WIPF1: variants seen among roughly 807,000 people sequenced by gnomAD.
The protein encoded by WIPF1 is WAS/WASL-interacting protein family member 1.
WIPF1 carries 13 observed loss-of-function variants against 35.4 expected under a neutral mutation model. The observed-to-expected ratio is 0.37, with a 90% CI of 0.24 to 0.58. The LOEUF is 0.58. Ranked by LOEUF, WIPF1 falls within the 20% of genes least tolerant of loss-of-function variation. The probability of loss-of-function intolerance (pLI) is 0.74; values close to 1 mark genes in which losing one functional copy is unlikely to be tolerated. For missense variants in WIPF1, 591 were observed against 667.0 expected (o/e 0.89, Z 1.25); for synonymous variants, 267 against 266.3 (o/e 1.00, Z -0.02).
rs1438301853 is a variant in WIPF1 at position 174,581,571 on chromosome 2, A to G, written c.52-132T>C. The G allele has an allele frequency of 7.9e-6, 9 of 1,140,706 alleles. No individual in the cohort carries two copies. The East Asian group carries it at 2.1e-4, about 26-fold the overall frequency. The allele number at this position is 1,140,706 out of a possible 1,614,324, so 70.7% of individuals were successfully genotyped here. On this transcript the variant is annotated intron_variant, in intron 2 of 7. Transcript: ENST00000679041. ...TGGTGATAGGTTGTAAATTCTCGAC[A>G]AGTTTTAGACCCCATATCTTTCTTT...
At chr2:174,661,530 A>G (rs1035987545) in intron 1 of WIPF1, among the ~76,000 whole-genome samples, 1 of 151,756 alleles carries the variant, frequency 6.6e-6, no homozygotes, top group Non-Finnish European at 1.5e-5. Flanking sequence ...TTCACATCTC[A>G]GCTCTAGAAG....
intron 1 of WIPF1, among the ~76,000 whole-genome samples, chr2:174,659,471 C>T (rs1279652534): frequency 5.9e-5 from 9 of 152,250 alleles, no homozygotes; most frequent in Middle Eastern, 3.4e-3. Context: ...TAGGGTTTAG[C>T]GAGTAATGGT....
At chr2:174,567,777 A>G in intron 6 of WIPF1, 84 bp downstream of exon 6, 1 of 1,423,896 alleles carries the variant, frequency 7.0e-7, no homozygotes, top group Non-Finnish European at 9.5e-7. Flanking sequence ...AAGAAATTAA[A>G]CGCAAACAAG....
intron 1 of WIPF1, among the ~76,000 whole-genome samples, chr2:174,611,841 TA>T (rs1686356835): frequency 6.6e-6 from 1 of 152,218 alleles, no homozygotes; most frequent in East Asian, 1.9e-4. Flanking sequence ...ACACACTGTC[TA>T]GGGTTAACTT....
intron 2 of WIPF1, among the ~76,000 whole-genome samples, chr2:174,583,332 G>T (rs187024350): frequency 3.5e-4 from 54 of 152,244 alleles, no homozygotes; most frequent in African/African-American, 1.2e-3. Flanking sequence ...AAACTCTGAG[G>T]CCTAGAGAGG....
At chr2:174,613,831 A>G (rs1027894381) in intron 1 of WIPF1, among the ~76,000 whole-genome samples, 1 of 152,208 alleles carries the variant, frequency 6.6e-6, no homozygotes, top group Non-Finnish European at 1.5e-5. Flanking sequence ...AGACTTTTAT[A>G]ATGCTGAGTT....
chr2:174,606,923 A>C (rs1400708265), intron 1 of WIPF1, among the ~76,000 whole-genome samples: 2 of 152,168 alleles, frequency 1.3e-5, no homozygotes, highest in African/African-American at 2.4e-5. Context: ...CTGGATGCTG[A>C]GAAGTCCAAG....
intron 1 of WIPF1, among the ~76,000 whole-genome samples, chr2:174,631,165 A>G (rs1029495487): frequency 6.6e-6 from 1 of 152,190 alleles, no homozygotes; most frequent in African/African-American, 2.4e-5. Flanking sequence ...ATATGTGCAA[A>G]CCCACGTTCA....
intron 1 of WIPF1, among the ~76,000 whole-genome samples, chr2:174,680,681 G>T (rs1246901495): frequency 6.6e-6 from 1 of 152,074 alleles, no homozygotes; most frequent in Non-Finnish European, 1.5e-5. Flanking sequence ...CTGCTAAAAG[G>T]GTCTCATGCC....
intron 1 of WIPF1, among the ~76,000 whole-genome samples, chr2:174,632,949 T>C (rs1415304265): frequency 1.3e-5 from 2 of 152,124 alleles, no homozygotes; most frequent in Non-Finnish European, 2.9e-5. Flanking sequence ...TCAAGGGCAG[T>C]ACCAGGTACA....
intron 6 of WIPF1, among the ~76,000 whole-genome samples, chr2:174,567,471 T>C (rs1336431629): frequency 1.3e-5 from 2 of 152,258 alleles, no homozygotes; most frequent in African/African-American, 4.8e-5. Context: ...TTTTCCCCAT[T>C]GATAACAATG....
intron 1 of WIPF1, among the ~76,000 whole-genome samples, chr2:174,619,340 C>T (rs1686606098): frequency 6.6e-6 from 1 of 152,134 alleles, no homozygotes; most frequent in Admixed American, 6.6e-5. Context: ...ATTTATTTAA[C>T]ACTTAACATT....
At chr2:174,565,638 A>G (rs1684635391) in intron 7 of WIPF1, among the ~76,000 whole-genome samples, 2 of 152,182 alleles carry the variant, frequency 1.3e-5, no homozygotes, top group African/African-American at 4.8e-5. Flanking sequence ...TTTGGAACCA[A>G]CCAACCAAAA....
At chr2:174,585,716 CT>C in intron 1 of WIPF1, 105 bp from the exon 2 acceptor site, 1 of 789,190 alleles carries the variant, frequency 1.3e-6, no homozygotes, top group Non-Finnish European at 2.1e-6. Context: ...TAGCTCAACT[CT>C]TAGAAGAGAT....
At chr2:174,671,257 TAA>T (rs759597056) in intron 1 of WIPF1, among the ~76,000 whole-genome samples, 2 of 152,364 alleles carry the variant, frequency 1.3e-5, no homozygotes, top group Admixed American at 6.5e-5. Context: ...TCTCTGAACA[TAA>T]GTTATGAAGA....
chr2:174,643,220 T>TA (rs1170886258), intron 1 of WIPF1, among the ~76,000 whole-genome samples: 1 of 149,404 alleles, frequency 6.7e-6, no homozygotes. Flanking sequence ...CATGATCTTT[T>TA]AAAAAAATTG....
At chr2:174,645,507 T>C (rs1687387979) in intron 1 of WIPF1, among the ~76,000 whole-genome samples, 1 of 152,238 alleles carries the variant, frequency 6.6e-6, no homozygotes, top group African/African-American at 2.4e-5. Context: ...CAATTGTTTC[T>C]AAAATGACCC....
intron 2 of WIPF1, 38 bp from the exon 3 acceptor site, chr2:174,581,477 G>T: frequency 6.2e-7 from 1 of 1,605,240 alleles, no homozygotes; most frequent in Non-Finnish European, 8.5e-7. Context: ...TCATCTCTTG[G>T]GTTAAAATCA....
intron 1 of WIPF1, among the ~76,000 whole-genome samples, chr2:174,628,595 T>C (rs1023333748): frequency 1.3e-5 from 2 of 152,196 alleles, no homozygotes; most frequent in African/African-American, 4.8e-5. Context: ...GTTCTGGAAG[T>C]TCCTCAAATC....
Sources: allele counts gnomAD v4.1 joint callset (sites outside exome capture counted in the v4.1 genomes callset), GRCh38; gene constraint gnomAD v4.1.1; transcripts MANE v1.5; gene names NCBI Gene and HGNC (gene_info 2026-07-23, HGNC 2026-07-21).